CA10: variants seen among roughly 807,000 people sequenced by gnomAD.
The protein encoded by CA10 is carbonic anhydrase 10 (inactive).
In CA10, 14 loss-of-function variants were observed where a neutral mutation model predicts 44.2. That is an observed-to-expected ratio of 0.32 (90% CI 0.21 to 0.50). CA10 has a LOEUF of 0.50. CA10 is among the 20% of genes least tolerant of loss of function. The pLI, the probability that CA10 is intolerant of heterozygous loss-of-function variation, is 0.99. For missense variants in CA10, 350 were observed against 409.7 expected, an observed-to-expected ratio of 0.85 and a Z score of 1.26; for synonymous variants, 159 against 141.6, an observed-to-expected ratio of 1.12 and a Z score of -0.87.
rs115125518 is a variant in CA10, at chr17:52,077,252, A to C, written c.62-4859T>G. The stretch of plus-strand genomic sequence containing the variant: ...AAGAAGTCATCGTTGGGGATGAAGA[A>C]AGAGCAAAGTGTTTTGCAACTTTCT... On this transcript the variant is annotated intron_variant, in intron 1 of 8. Transcript: ENST00000451037. Among the ~76,000 whole-genome samples the C allele has an allele frequency of 9.4e-3, 1,434 of 152,318 alleles. 17 individuals are homozygous for C. Among genetic ancestry groups the C allele is most frequent in the African/African-American group, 0.032 (1,340 of 41,560 alleles).
intron 3 of CA10, among the ~76,000 whole-genome samples, chr17:51,898,103 T>G (rs1175239136): frequency 6.6e-6 from 1 of 152,152 alleles, no homozygotes. Context: ...CAGTACTATG[T>G]TGAATAGAAG....
At chr17:51,909,323 C>T (rs1221352668) in intron 3 of CA10, among the ~76,000 whole-genome samples, 1 of 152,110 alleles carries the variant, frequency 6.6e-6, no homozygotes, top group African/African-American at 2.4e-5. Flanking sequence ...AACTGGAGGT[C>T]AGGCTTGCAG....
At chr17:51,715,714 G>A (rs149318628) in intron 4 of CA10, among the ~76,000 whole-genome samples, 10 of 150,756 alleles carry the variant, frequency 6.6e-5, no homozygotes, top group East Asian at 1.9e-4. Flanking sequence ...TTTTTCAGAC[G>A]GAGTCTCGCT....
At chr17:52,079,016 G>T (rs1009286132) in intron 1 of CA10, among the ~76,000 whole-genome samples, 3 of 152,166 alleles carry the variant, frequency 2.0e-5, no homozygotes, top group Admixed American at 6.5e-5. Flanking sequence ...GCCGGGTGTG[G>T]TGGCTTACTC....
chr17:51,971,258 T>C (rs1267397918), intron 2 of CA10, among the ~76,000 whole-genome samples: 1 of 152,096 alleles, frequency 6.6e-6, no homozygotes, highest in Non-Finnish European at 1.5e-5. Context: ...TTACAGTTTC[T>C]TATCTGTAAA....
chr17:51,979,022 G>C (rs1598150032), intron 2 of CA10, among the ~76,000 whole-genome samples: 1 of 152,038 alleles, frequency 6.6e-6, no homozygotes, highest in Non-Finnish European at 1.5e-5. Context: ...TTTCCTCCCT[G>C]CCTGCCACAA....
chr17:51,981,274 G>A (rs1452109177), intron 2 of CA10, among the ~76,000 whole-genome samples: 1 of 151,854 alleles, frequency 6.6e-6, no homozygotes, highest in East Asian at 1.9e-4. Context: ...CACCCCAAAT[G>A]GTCATCAAAA....
chr17:51,881,622 T>C (rs181722181), intron 3 of CA10, among the ~76,000 whole-genome samples: 21 of 152,230 alleles, frequency 1.4e-4, no homozygotes, highest in South Asian at 1.0e-3. Flanking sequence ...GGGATATGTA[T>C]AGGCAATTTA....
At chr17:51,935,025 A>G (rs1193676739) in intron 2 of CA10, among the ~76,000 whole-genome samples, 2 of 152,122 alleles carry the variant, frequency 1.3e-5, no homozygotes, top group Non-Finnish European at 2.9e-5. Flanking sequence ...GGGCGTATGA[A>G]TGAAAGCTTC....
chr17:52,097,959 C>G (rs1028557531), intron 1 of CA10, among the ~76,000 whole-genome samples: 1 of 152,136 alleles, frequency 6.6e-6, no homozygotes, highest in East Asian at 1.9e-4. Context: ...TATCTTTCCC[C>G]CGTCACCTGG....
At chr17:51,710,069 C>T (rs756066427) in intron 4 of CA10, among the ~76,000 whole-genome samples, 4 of 152,112 alleles carry the variant, frequency 2.6e-5, no homozygotes, top group East Asian at 1.9e-4. Flanking sequence ...GCCAGTTTCT[C>T]GACAAACAGC....
At chr17:51,745,949 G>A (rs574419090) in intron 4 of CA10, among the ~76,000 whole-genome samples, 52 of 152,214 alleles carry the variant, frequency 3.4e-4, no homozygotes, top group Admixed American at 2.4e-3. Context: ...AATTCAGACC[G>A]GCAGTACCCA....
chr17:51,738,189 C>T (rs1916975363), intron 4 of CA10, among the ~76,000 whole-genome samples: 1 of 152,156 alleles, frequency 6.6e-6, no homozygotes, highest in Non-Finnish European at 1.5e-5. Context: ...AACTGGCGAG[C>T]AATTAAGTTG....
chr17:51,862,656 T>G (rs1219105761), intron 3 of CA10, among the ~76,000 whole-genome samples: 1 of 152,032 alleles, frequency 6.6e-6, no homozygotes, highest in African/African-American at 2.4e-5. Flanking sequence ...CAACAGAAAT[T>G]TATTTCTGTA....
intron 3 of CA10, among the ~76,000 whole-genome samples, chr17:51,812,598 G>A (rs1030243893): frequency 1.3e-5 from 2 of 152,214 alleles, no homozygotes; most frequent in African/African-American, 4.8e-5. Context: ...ATCTCTGGAT[G>A]GATTCAAGAA....
At chr17:51,772,219 T>A (rs1383907293) in intron 3 of CA10, among the ~76,000 whole-genome samples, 1 of 152,190 alleles carries the variant, frequency 6.6e-6, no homozygotes, top group African/African-American at 2.4e-5. Context: ...AAAGAGTACA[T>A]AACACATAAT....
At chr17:51,988,212 A>G (rs1210914687) in intron 2 of CA10, among the ~76,000 whole-genome samples, 1 of 152,064 alleles carries the variant, frequency 6.6e-6, no homozygotes, top group East Asian at 1.9e-4. Flanking sequence ...AAGTTAAAAA[A>G]GAAAAAGAAG....
At chr17:51,674,241 T>C (rs562402221) in intron 4 of CA10, among the ~76,000 whole-genome samples, 1 of 152,212 alleles carries the variant, frequency 6.6e-6, no homozygotes, top group Non-Finnish European at 1.5e-5. Context: ...GCACTAAATA[T>C]ACTTTGTTGA....
At chr17:51,968,741 T>C (rs1248003308) in intron 2 of CA10, among the ~76,000 whole-genome samples, 1 of 151,954 alleles carries the variant, frequency 6.6e-6, no homozygotes, top group Non-Finnish European at 1.5e-5. Context: ...TGAACTGCTT[T>C]GATTAGCTTC....
Sources: allele counts gnomAD v4.1 joint callset (sites outside exome capture counted in the v4.1 genomes callset), GRCh38; gene constraint gnomAD v4.1.1; transcripts MANE v1.5; gene names NCBI Gene and HGNC (gene_info 2026-07-23, HGNC 2026-07-21).